The following FGF2 variants were observed in gnomAD, a reference collection of about 807,000 sequenced individuals.
FGF2 encodes basic fibroblast growth factor bFGF.
In FGF2, 13 loss-of-function variants were observed where a neutral mutation model predicts 15.9. The observed-to-expected ratio is 0.82, with a 90% CI of 0.53 to 1.30. The LOEUF (loss-of-function observed/expected upper bound fraction) is 1.30. FGF2 is among the 50% of genes most tolerant of loss of function. FGF2 has a pLI of 0.00. For missense variants in FGF2, 163 were observed against 196.9 expected (o/e 0.83, Z 1.03); for synonymous variants, 90 against 78.4 (o/e 1.15, Z -0.78).
chr4:122,840,035 C>G (rs1185846776), intron 1 of FGF2, among the ~76,000 whole-genome samples: 1 of 152,080 alleles, frequency 6.6e-6, no homozygotes, highest in Admixed American at 6.6e-5. Flanking sequence ...TCCAGGTTTC[C>G]TCTTCTTATA....
In FGF2 at chr4:122,892,950, C is replaced by T. The variant is rs753601927; in HGVS notation, c.*554C>T. The T allele has an allele frequency of 1.1e-5, 18 of 1,614,068 alleles. No individual in the cohort carries two copies. The highest frequency in any genetic ancestry group is 3.3e-5 in the Admixed American group (2 of 60,006). ...GTCAGGTCAATTTTGTCAAACCCTTCTCTGTACCCATACAGCAGCAGCCTA... is the reference window on the plus strand; with the variant it reads ...GTCAGGTCAATTTTGTCAAACCCTTTTCTGTACCCATACAGCAGCAGCCTA... On this transcript the variant is annotated 3_prime_UTR_variant, in exon 3 of 3. Transcript: ENST00000644866.
At chr4:122,853,052 CT>C (rs1304086192) in intron 1 of FGF2, among the ~76,000 whole-genome samples, 1 of 152,176 alleles carries the variant, frequency 6.6e-6, no homozygotes, top group East Asian at 1.9e-4. Flanking sequence ...AATCCCAGTA[CT>C]TTAGGAGGCA....
intron 1 of FGF2, chr4:122,840,650 C>A: frequency 5.2e-6 from 1 of 193,054 alleles, no homozygotes; most frequent in South Asian, 1.2e-4. Flanking sequence ...CGATTTAGAC[C>A]TGTGGGTGCT....
chr4:122,889,157 C>T (rs552414512), intron 2 of FGF2, among the ~76,000 whole-genome samples: 1 of 152,204 alleles, frequency 6.6e-6, no homozygotes, highest in Non-Finnish European at 1.5e-5. Context: ...TTTTAAATTC[C>T]TCATTTGTTA....
upstream of FGF2, chr4:122,826,807 A>T: frequency 6.9e-7 from 1 of 1,443,718 alleles, no homozygotes; most frequent in Non-Finnish European, 9.2e-7. Context: ...GATGTAGAAG[A>T]TGTGACGCCG....
intron 2 of FGF2, chr4:122,883,182 T>C (rs1480834468): frequency 6.6e-6 from 1 of 152,248 alleles, no homozygotes; most frequent in Non-Finnish European, 1.5e-5. Flanking sequence ...TTCTCCATTT[T>C]ACTCTGTGAT....
chr4:122,831,771 A>T (rs552278572), intron 1 of FGF2, among the ~76,000 whole-genome samples: 2 of 152,298 alleles, frequency 1.3e-5, no homozygotes, highest in Admixed American at 1.3e-4. Flanking sequence ...TTGTTTATAA[A>T]ATGACCGTTA....
rs767760955 is a variant in FGF2, at chr4:122,826,960, C to T, written c.-215C>T. The T allele has an allele frequency of 4.5e-6, 6 of 1,339,996 alleles. No homozygotes were observed. In the African/African-American group the frequency reaches 7.5e-5, roughly 17 times the overall value. The allele number at this position is 1,339,996 out of a possible 1,614,324, so 83.0% of individuals were successfully genotyped here. The stretch of plus-strand genomic sequence containing the variant: ...AACCCCAGGTCCCGGGCCGCCGGCT[C>T]GCCGCGCACCAGGGGCCGGCGGACA... On this transcript the variant is annotated 5_prime_UTR_variant, in exon 1 of 3. Transcript: ENST00000644866.
chr4:122,877,872 C>T (rs899662190), intron 2 of FGF2, among the ~76,000 whole-genome samples: 3 of 152,196 alleles, frequency 2.0e-5, no homozygotes, highest in Non-Finnish European at 4.4e-5. Context: ...ATCCCAATTT[C>T]AGACTGACTG....
Position 122,897,381 on chromosome 4 carries a change from C to A in FGF2, c.*4985C>A. The A allele has an allele frequency of 2.1e-6, 1 of 474,108 alleles. No homozygotes were observed. Among genetic ancestry groups the A allele is most frequent in the Non-Finnish European group, 3.8e-6 (1 of 265,130 alleles). 29.4% of individuals were successfully genotyped at this position (474,108 alleles called of 1,614,324 possible). On this transcript the variant is annotated 3_prime_UTR_variant, in exon 3 of 3. Transcript: ENST00000644866. ...ATTTTCAGACAGATTAATCCAGAAGCAGTCATAAACAGAAGAATAGGTGGT... is the reference window on the plus strand; with the variant it reads ...ATTTTCAGACAGATTAATCCAGAAGAAGTCATAAACAGAAGAATAGGTGGT...
intron 1 of FGF2, among the ~76,000 whole-genome samples, chr4:122,853,183 A>C (rs7693557): frequency 0.086 from 13,128 of 152,216 alleles, 752 homozygotes; most frequent in African/African-American, 0.16. Context: ...CTGTGGTCCC[A>C]GCTACTTGGG....
rs1475278250 is a variant in FGF2 at position 122,896,043 on chromosome 4, A to AT, written c.*3651dup. The AT allele has an allele frequency of 6.6e-6, 1 of 152,592 alleles. No individual in the cohort carries two copies. Among genetic ancestry groups the AT allele is most frequent in the African/African-American group, 2.4e-5 (1 of 41,446 alleles). The allele number at this position is 152,592 out of a possible 1,614,324, so 9.5% of individuals were successfully genotyped here. ...TCTAGCTGCTTTCAGGGTTTTATGA[A>AT]TTTTCAGGCAAAGCTTTAATTTACA... On this transcript the variant is annotated 3_prime_UTR_variant, in exon 3 of 3. Transcript: ENST00000644866.
At chr4:122,868,522 G>T (rs964516650) in intron 1 of FGF2, among the ~76,000 whole-genome samples, 17 of 152,062 alleles carry the variant, frequency 1.1e-4, no homozygotes, top group African/African-American at 4.1e-4. Context: ...GTCTATCATT[G>T]ATGGGCATTT....
At chr4:122,855,432 A>G (rs1303836724) in intron 1 of FGF2, among the ~76,000 whole-genome samples, 1 of 152,262 alleles carries the variant, frequency 6.6e-6, no homozygotes, top group East Asian at 1.9e-4. Context: ...ATTTCAAAAT[A>G]TCAGCAGTTT....
intron 1 of FGF2, among the ~76,000 whole-genome samples, chr4:122,863,636 AT>A (rs1365057301): frequency 6.6e-6 from 1 of 152,218 alleles, no homozygotes; most frequent in Non-Finnish European, 1.5e-5. Context: ...AATAATGGAT[AT>A]GTCCTATTCT....
chr4:122,892,194 C>A lies in FGF2; in HGVS notation c.283-17C>A, dbSNP rs781031047. 12 of 1,577,286 alleles carry A rather than the reference C, an allele frequency of 7.6e-6. No homozygotes were observed. The highest frequency in any genetic ancestry group is 1.7e-4 in the Middle Eastern group (1 of 5,978). Reference sequence around the variant, plus strand: ...ATAATGATAATAATAACAGGTAATTCTTCCTTTATTTTTCAGAAATGTGTT... The same window carrying A: ...ATAATGATAATAATAACAGGTAATTATTCCTTTATTTTTCAGAAATGTGTT... On this transcript the variant is annotated splice_polypyrimidine_tract_variant and intron_variant, in intron 2 of 2. Coordinates refer to ENST00000644866, the MANE Select transcript of FGF2 (RefSeq NM_001361665.2).
intron 1 of FGF2, among the ~76,000 whole-genome samples, chr4:122,863,449 G>A (rs1056180389): frequency 2.0e-5 from 3 of 152,088 alleles, no homozygotes; most frequent in African/African-American, 7.2e-5. Flanking sequence ...GGACTTAAGT[G>A]TTTAGAACAG....
chr4:122,840,139 T>C (rs1725948172), intron 1 of FGF2, among the ~76,000 whole-genome samples: 1 of 152,140 alleles, frequency 6.6e-6, no homozygotes, highest in Non-Finnish European at 1.5e-5. Context: ...CAGGAGCACA[T>C]GCAGAGATAG....
At chr4:122,888,211 A>C (rs189583681) in intron 2 of FGF2, among the ~76,000 whole-genome samples, 19 of 152,318 alleles carry the variant, frequency 1.2e-4, no homozygotes, top group African/African-American at 4.6e-4. Context: ...CATACCATGC[A>C]ACCAATCCAT....
Sources: gnomAD v4.1 joint callset for allele counts (sites outside exome capture counted in the v4.1 genomes callset) on GRCh38, gnomAD v4.1.1 for gene constraint, MANE v1.5 for transcripts, NCBI Gene and HGNC (gene_info 2026-07-23, HGNC 2026-07-21) for gene names.